The following LRRC7 variants were observed in gnomAD, a reference collection of about 807,000 sequenced individuals.
LRRC7 encodes leucine-rich repeat-containing protein 7.
In LRRC7, 23 loss-of-function variants were observed where a neutral mutation model predicts 175.7. The observed-to-expected ratio is 0.13, with a 90% CI of 0.09 to 0.19. The LOEUF (loss-of-function observed/expected upper bound fraction) is 0.19, where lower values mean the gene tolerates loss of function less well. Ranked by LOEUF, LRRC7 falls within the 10% of genes least tolerant of loss-of-function variation. LRRC7 has a pLI of 1.00. For synonymous variants in LRRC7, 685 were observed against 680.9 expected (o/e 1.01, Z -0.09); for missense variants, 1,354 against 1,904.7 (o/e 0.71, Z 5.38).
At chr1:69,812,923 A>C (rs1187103036) in intron 4 of LRRC7, among the ~76,000 whole-genome samples, 1 of 152,172 alleles carries the variant, frequency 6.6e-6, no homozygotes, top group Non-Finnish European at 1.5e-5. Context: ...AACTGTAACT[A>C]GATGCAATTT....
intron 1 of LRRC7, among the ~76,000 whole-genome samples, chr1:69,627,187 G>C (rs557036377): frequency 2.6e-5 from 4 of 152,094 alleles, no homozygotes; most frequent in Admixed American, 6.6e-5. Flanking sequence ...TACAGTCCCA[G>C]CAACAGTGTA....
chr1:69,883,033 T>C (rs1275671980), intron 7 of LRRC7, among the ~76,000 whole-genome samples: 1 of 152,192 alleles, frequency 6.6e-6, no homozygotes, highest in Non-Finnish European at 1.5e-5. Flanking sequence ...TTTGGGTTGG[T>C]TCCAAGTCTT....
At chr1:70,109,810 A>G (rs1665399619) in intron 26 of LRRC7, among the ~76,000 whole-genome samples, 1 of 152,224 alleles carries the variant, frequency 6.6e-6, no homozygotes, top group Admixed American at 6.5e-5. Flanking sequence ...GCTCATTAGC[A>G]AAGGAAATGG....
chr1:69,595,118 A>G (rs1646788479), intron 1 of LRRC7, among the ~76,000 whole-genome samples: 1 of 152,096 alleles, frequency 6.6e-6, no homozygotes, highest in Non-Finnish European at 1.5e-5. Context: ...GGCACTATCA[A>G]TGTCTCCACT....
chr1:69,897,620 A>G (rs186943712), intron 7 of LRRC7, among the ~76,000 whole-genome samples: 1 of 152,346 alleles, frequency 6.6e-6, no homozygotes, highest in African/African-American at 2.4e-5. Flanking sequence ...TGAATGCTTC[A>G]TAGAATCAAT....
chr1:69,623,802 G>A (rs1413366744), intron 1 of LRRC7, among the ~76,000 whole-genome samples: 2 of 152,038 alleles, frequency 1.3e-5, no homozygotes, highest in Non-Finnish European at 2.9e-5. Flanking sequence ...CACCCACCTC[G>A]GCCTCCCAAA....
intron 3 of LRRC7, among the ~76,000 whole-genome samples, chr1:69,765,250 C>CTA (rs1671499120): frequency 1.3e-5 from 2 of 152,046 alleles, no homozygotes; most frequent in Non-Finnish European, 2.9e-5. Context: ...TTCCTTAGGC[C>CTA]ACATGGCATG....
intron 18 of LRRC7, among the ~76,000 whole-genome samples, chr1:70,033,710 A>G (rs1409875092): frequency 6.6e-6 from 1 of 152,160 alleles, no homozygotes; most frequent in Non-Finnish European, 1.5e-5. Flanking sequence ...TTTGGTATAC[A>G]AGTTTGAAAG....
chr1:70,116,370 A>G (rs1665850132), intron 26 of LRRC7, among the ~76,000 whole-genome samples: 1 of 152,062 alleles, frequency 6.6e-6, no homozygotes, highest in African/African-American at 2.4e-5. Flanking sequence ...ACACGGTGAA[A>G]CCCCATCTCT....
At chr1:69,944,579 T>C (rs1034688723) in intron 8 of LRRC7, among the ~76,000 whole-genome samples, 10 of 152,062 alleles carry the variant, frequency 6.6e-5, no homozygotes. Context: ...TGAAGAAACT[T>C]CATATTGTTT....
intron 8 of LRRC7, among the ~76,000 whole-genome samples, chr1:69,958,900 C>CT (rs1650767149): frequency 6.6e-6 from 1 of 152,044 alleles, no homozygotes; most frequent in African/African-American, 2.4e-5. Context: ...TGCAAATTCT[C>CT]TAACTATGCA....
At chr1:69,614,183 A>G (rs777182273) in intron 1 of LRRC7, among the ~76,000 whole-genome samples, 3 of 152,008 alleles carry the variant, frequency 2.0e-5, no homozygotes, top group Non-Finnish European at 4.4e-5. Flanking sequence ...TCATTGAAAA[A>G]TTTTATTGGT....
chr1:70,109,333 T>C (rs1665366241), intron 26 of LRRC7, among the ~76,000 whole-genome samples: 1 of 152,166 alleles, frequency 6.6e-6, no homozygotes, highest in African/African-American at 2.4e-5. Flanking sequence ...CTCCGAAATA[T>C]TTTAAACTAA....
At chr1:69,900,191 T>G (rs1267239717) in intron 7 of LRRC7, among the ~76,000 whole-genome samples, 2 of 152,106 alleles carry the variant, frequency 1.3e-5, no homozygotes, top group Admixed American at 1.3e-4. Flanking sequence ...TAATAAACAA[T>G]ATTACTGATA....
chr1:69,638,533 G>A (rs1264186508), intron 1 of LRRC7, among the ~76,000 whole-genome samples: 1 of 151,682 alleles, frequency 6.6e-6, no homozygotes, highest in Non-Finnish European at 1.5e-5. Context: ...TGAAATAGAG[G>A]ATTAGTATCC....
At chr1:70,052,659 A>G (rs1660834875) in intron 22 of LRRC7, among the ~76,000 whole-genome samples, 1 of 152,078 alleles carries the variant, frequency 6.6e-6, no homozygotes, top group South Asian at 2.1e-4. Flanking sequence ...TTCAATTTCT[A>G]TTCTAAATGG....
At chr1:69,584,211 C>T (rs929408304) in intron 1 of LRRC7, among the ~76,000 whole-genome samples, 1 of 151,972 alleles carries the variant, frequency 6.6e-6, no homozygotes, top group African/African-American at 2.4e-5. Flanking sequence ...ATTATTATTT[C>T]CTTAAAATTT....
rs141313953 is a variant in LRRC7 at position 69,808,408 on chromosome 1, G to A, written c.421+16248G>A. ...ACTTGAACTCTGCTCTGGACCAAGC[G>A]CACCTAACAGACATCTACAGAACTC... On this transcript the variant is annotated intron_variant, in intron 4 of 26. Coordinates refer to ENST00000651989, the MANE Select transcript of LRRC7 (RefSeq NM_001370785.2). 1.4e-3 allele frequency among the ~76,000 whole-genome samples: 209 copies of A among 151,914 alleles called. 2 individuals carry two copies. The highest frequency in any genetic ancestry group is 0.01 in the Middle Eastern group (3 of 294).
intron 7 of LRRC7, among the ~76,000 whole-genome samples, chr1:69,864,434 A>G (rs1290316341): frequency 6.6e-6 from 1 of 152,236 alleles, no homozygotes; most frequent in African/African-American, 2.4e-5. Context: ...TCAAACATGT[A>G]CTATTAAAAT....
Sources: gnomAD v4.1 joint callset for allele counts (sites outside exome capture counted in the v4.1 genomes callset) on GRCh38, gnomAD v4.1.1 for gene constraint, MANE v1.5 for transcripts, NCBI Gene and HGNC (gene_info 2026-07-23, HGNC 2026-07-21) for gene names.